The following SYN2 variants were observed in gnomAD, a reference collection of about 807,000 sequenced individuals.
The protein encoded by SYN2 is synapsin-2.
Under a neutral mutation model 50.9 loss-of-function variants are expected in SYN2, and 19 were observed. The ratio of observed to expected loss-of-function variants is 0.37; its 90% CI spans 0.26 to 0.55. The LOEUF is 0.55. Among genes scored for constraint, SYN2 ranks in the 20% least tolerant of loss-of-function variants. The pLI, the probability that SYN2 is intolerant of heterozygous loss-of-function variation, is 0.81. For missense variants in SYN2, 587 were observed against 576.4 expected, an observed-to-expected ratio of 1.02 and a Z score of -0.19; for synonymous variants, 255 against 224.9, an observed-to-expected ratio of 1.13 and a Z score of -1.20.
At chr3:12,139,585 C>T (rs1696971594) in intron 1 of SYN2, among the ~76,000 whole-genome samples, 1 of 152,156 alleles carries the variant, frequency 6.6e-6, no homozygotes, top group Non-Finnish European at 1.5e-5. Flanking sequence ...TTCTCTGTAT[C>T]TTATACGTTG....
chr3:12,114,559 T>C (rs115872705), intron 1 of SYN2, among the ~76,000 whole-genome samples: 4,737 of 152,268 alleles, frequency 0.031, 93 homozygotes, highest in Non-Finnish European at 0.043. Context: ...CTAACAGTTT[T>C]ATAGTTTTAT....
At chr3:12,119,655 T>A (rs1381739327) in intron 1 of SYN2, among the ~76,000 whole-genome samples, 1 of 152,250 alleles carries the variant, frequency 6.6e-6, no homozygotes, top group Non-Finnish European at 1.5e-5. Flanking sequence ...TATTCCATAA[T>A]TCTTTCCAGA....
intron 1 of SYN2, among the ~76,000 whole-genome samples, chr3:12,089,012 G>A (rs182777516): frequency 3.9e-3 from 589 of 152,218 alleles, no homozygotes; most frequent in Non-Finnish European, 6.4e-3. Context: ...ATTGCTAAAA[G>A]AATAGATTTT....
At chr3:12,172,817 G>A (rs927736276) in intron 10 of SYN2, among the ~76,000 whole-genome samples, 7 of 152,184 alleles carry the variant, frequency 4.6e-5, no homozygotes, top group African/African-American at 1.7e-4. Flanking sequence ...GGTTACTTCT[G>A]AGGAGCCAAA....
intron 1 of SYN2, among the ~76,000 whole-genome samples, chr3:12,023,280 T>C (rs1003677419): frequency 3.3e-5 from 5 of 152,162 alleles, no homozygotes; most frequent in Non-Finnish European, 7.3e-5. Context: ...TATTATTTTT[T>C]CAGGAGCTAG....
chr3:12,071,683 G>A (rs2125168756), intron 1 of SYN2: 3 of 312,734 alleles, frequency 9.6e-6, no homozygotes, highest in South Asian at 9.3e-5. Flanking sequence ...TCTGTGGCTT[G>A]GTGAGTCTGT....
intron 11 of SYN2, chr3:12,184,244 T>C (rs1275849903): frequency 1.6e-5 from 16 of 985,784 alleles, no homozygotes; most frequent in Non-Finnish European, 1.7e-5. Flanking sequence ...TGATGTGCAA[T>C]ATCAAAGTGA....
At chr3:12,026,868 C>T (rs1694271936) in intron 1 of SYN2, among the ~76,000 whole-genome samples, 1 of 152,230 alleles carries the variant, frequency 6.6e-6, no homozygotes, top group South Asian at 2.1e-4. Context: ...CCCTGATCCA[C>T]ACAGCAGTGT....
At chr3:12,045,331 A>C (rs1030268567) in intron 1 of SYN2, among the ~76,000 whole-genome samples, 1 of 152,228 alleles carries the variant, frequency 6.6e-6, no homozygotes, top group East Asian at 1.9e-4. Context: ...GTAGATAAAA[A>C]GTGAAATGGA....
chr3:12,017,430 C>G (rs1420320151), intron 1 of SYN2, among the ~76,000 whole-genome samples: 2 of 152,166 alleles, frequency 1.3e-5, no homozygotes, highest in Non-Finnish European at 2.9e-5. Flanking sequence ...CTCCAGAGTT[C>G]ATGCTTCCAT....
At chr3:12,043,170 G>A (rs1694658629) in intron 1 of SYN2, among the ~76,000 whole-genome samples, 1 of 151,936 alleles carries the variant, frequency 6.6e-6, no homozygotes, top group Non-Finnish European at 1.5e-5. Context: ...CTACTAGTGA[G>A]CATCACCATG....
At chr3:12,182,469 T>A (rs1373471969) in intron 10 of SYN2, among the ~76,000 whole-genome samples, 5 of 152,190 alleles carry the variant, frequency 3.3e-5, no homozygotes, top group Non-Finnish European at 2.9e-5. Context: ...CACAGGTCTT[T>A]AATCCCGTCA....
chr3:12,108,620 T>C (rs937580956), intron 1 of SYN2, among the ~76,000 whole-genome samples: 5 of 152,112 alleles, frequency 3.3e-5, no homozygotes, highest in African/African-American at 1.2e-4. Context: ...AAATACAGAG[T>C]CCCTCTTTTT....
At chr3:12,070,406 A>G in intron 1 of SYN2, 4 of 536,136 alleles carry the variant, frequency 7.5e-6, no homozygotes, top group Non-Finnish European at 1.5e-5. Flanking sequence ...GCCCAGAGCA[A>G]GCATGGCATC....
At chr3:12,176,313 G>A (rs1698067402) in intron 10 of SYN2, among the ~76,000 whole-genome samples, 1 of 152,170 alleles carries the variant, frequency 6.6e-6, no homozygotes, top group Non-Finnish European at 1.5e-5. Context: ...TGTGGCTAAT[G>A]TTTTTTTCAT....
At chr3:12,095,914 A>G (rs897856586) in intron 1 of SYN2, among the ~76,000 whole-genome samples, 5 of 152,120 alleles carry the variant, frequency 3.3e-5, no homozygotes, top group African/African-American at 1.2e-4. Flanking sequence ...AAATATCTGC[A>G]TGACATCCCC....
intron 1 of SYN2, among the ~76,000 whole-genome samples, chr3:12,014,664 T>C (rs1385517411): frequency 6.6e-6 from 1 of 152,202 alleles, no homozygotes; most frequent in African/African-American, 2.4e-5. Flanking sequence ...TTTTCCTCAG[T>C]GTGAAACTCC....
intron 1 of SYN2, among the ~76,000 whole-genome samples, chr3:12,063,176 C>T (rs1695149077): frequency 6.6e-6 from 1 of 151,872 alleles, no homozygotes; most frequent in African/African-American, 2.4e-5. Context: ...TGACACTATG[C>T]AAAATCTATG....
intron 1 of SYN2, among the ~76,000 whole-genome samples, chr3:12,010,096 A>G (rs746411457): frequency 3.7e-4 from 57 of 152,276 alleles, no homozygotes; most frequent in Middle Eastern, 3.4e-3. Context: ...CTCCATCTCC[A>G]AAAAAATAAA....
Sources: gnomAD v4.1 joint callset for allele counts (sites outside exome capture counted in the v4.1 genomes callset) on GRCh38, gnomAD v4.1.1 for gene constraint, MANE v1.5 for transcripts, NCBI Gene and HGNC (gene_info 2026-07-23, HGNC 2026-07-21) for gene names.